The following CADM2 variants were observed in gnomAD, a reference collection of about 807,000 sequenced individuals.
CADM2 encodes the protein cell adhesion molecule 2, also known as immunoglobulin superfamily member 4D.
CADM2 carries 12 observed loss-of-function variants against 49.8 expected under a neutral mutation model. The ratio of observed to expected loss-of-function variants is 0.24; its 90% confidence interval spans 0.15 to 0.39. CADM2 has a LOEUF of 0.39. CADM2 is among the 10% of genes least tolerant of loss of function. The probability of loss-of-function intolerance (pLI) is 1.00; values close to 1 mark genes in which losing one functional copy is unlikely to be tolerated. For missense variants in CADM2, 378 were observed against 492.3 expected (o/e 0.77, Z 2.20); for synonymous variants, 214 against 175.4 (o/e 1.22, Z -1.74).
intron 1 of CADM2, among the ~76,000 whole-genome samples, chr3:85,208,227 C>T (rs779601414): frequency 2.6e-5 from 4 of 152,120 alleles, no homozygotes; most frequent in Non-Finnish European, 5.9e-5. Flanking sequence ...GCAGACCTCA[C>T]AAAACCCAAA....
rs758299427 is a variant in CADM2, at chr3:86,073,238, T to C, written c.*6455T>C. Reference sequence around the variant, plus strand: ...AGAAACGCAGGTGTTCCCAGTAATGTAGCTTCAAAAATAAAATGTGCTATT... The same window carrying C: ...AGAAACGCAGGTGTTCCCAGTAATGCAGCTTCAAAAATAAAATGTGCTATT... On this transcript the variant is annotated 3_prime_UTR_variant, in exon 10 of 10. Coordinates refer to ENST00000383699, the MANE Select transcript of CADM2 (RefSeq NM_001167675.2). The C allele has an allele frequency of 6.6e-6, 1 of 152,034 alleles. No homozygotes were observed. The highest frequency in any genetic ancestry group is 1.5e-5 in the Non-Finnish European group (1 of 67,932). The allele number at this position is 152,034 out of a possible 1,614,324, so 9.4% of individuals were successfully genotyped here.
intron 1 of CADM2, among the ~76,000 whole-genome samples, chr3:85,226,428 C>G (rs765349973): frequency 6.6e-6 from 1 of 152,060 alleles, no homozygotes; most frequent in Non-Finnish European, 1.5e-5. Flanking sequence ...TTATGGTATT[C>G]TCTGATGGTA....
chr3:85,411,103 T>C (rs2035635767), intron 1 of CADM2, among the ~76,000 whole-genome samples: 1 of 152,230 alleles, frequency 6.6e-6, no homozygotes, highest in Non-Finnish European at 1.5e-5. Context: ...TGTGTTACTG[T>C]AGGTTATATA....
chr3:85,482,315 A>AT, intron 1 of CADM2, among the ~76,000 whole-genome samples: 1 of 151,874 alleles, frequency 6.6e-6, no homozygotes, highest in South Asian at 2.1e-4. Context: ...GTTTGGGTTT[A>AT]TTTTGGTGAC....
rs180853499 is a variant in CADM2, at chr3:85,961,337, T to C, written c.792-132T>C. 9.4e-4 allele frequency: 624 copies of C among 664,864 alleles called. 1 individual carries two copies. The highest frequency in any genetic ancestry group is 8.7e-4 in the Non-Finnish European group (362 of 414,278). 41.2% of individuals were successfully genotyped at this position (664,864 alleles called of 1,614,324 possible). ...TTGAGTGAGTGTGTGATGGTCCTTTTGGTATCTTATAGAAGTTAGCATATG... is the reference window on the plus strand; with the variant it reads ...TTGAGTGAGTGTGTGATGGTCCTTTCGGTATCTTATAGAAGTTAGCATATG... On this transcript the variant is annotated intron_variant, in intron 7 of 9. Coordinates refer to ENST00000383699, the MANE Select transcript of CADM2 (RefSeq NM_001167675.2).
chr3:85,772,887 T>A (rs1480720863), intron 2 of CADM2, among the ~76,000 whole-genome samples: 6 of 151,700 alleles, frequency 4.0e-5, no homozygotes, highest in Non-Finnish European at 5.9e-5. Context: ...TTTCCAGTTT[T>A]TTTTTTTTTC....
At chr3:85,732,531 T>G (rs1344122471) in intron 2 of CADM2, among the ~76,000 whole-genome samples, 1 of 152,160 alleles carries the variant, frequency 6.6e-6, no homozygotes, top group Admixed American at 6.6e-5. Context: ...ATCTACCTTC[T>G]AGTTCACCTC....
At chr3:85,100,624 T>C (rs1022243012) in intron 1 of CADM2, among the ~76,000 whole-genome samples, 12 of 152,106 alleles carry the variant, frequency 7.9e-5, no homozygotes, top group African/African-American at 2.4e-4. Flanking sequence ...TGGCAGAGAG[T>C]CAAAACAAAT....
intron 1 of CADM2, among the ~76,000 whole-genome samples, chr3:85,023,841 T>C (rs1250165530): frequency 6.6e-6 from 1 of 152,112 alleles, no homozygotes; most frequent in Non-Finnish European, 1.5e-5. Context: ...CTCTCCATTT[T>C]GTCATGTCTA....
chr3:85,191,493 A>G (rs550790010), intron 1 of CADM2, among the ~76,000 whole-genome samples: 2 of 152,176 alleles, frequency 1.3e-5, no homozygotes, highest in South Asian at 2.1e-4. Context: ...CCACTTTTAG[A>G]TGAAAAAAAT....
At chr3:85,406,363 A>T (rs2035377269) in intron 1 of CADM2, among the ~76,000 whole-genome samples, 1 of 152,268 alleles carries the variant, frequency 6.6e-6, no homozygotes, top group South Asian at 2.1e-4. Flanking sequence ...TTTTGAAAAA[A>T]ATTCTATAAA....
chr3:85,906,151 T>C (rs1435980262), intron 5 of CADM2, among the ~76,000 whole-genome samples: 1 of 152,180 alleles, frequency 6.6e-6, no homozygotes, highest in Non-Finnish European at 1.5e-5. Context: ...TTCTGCCATA[T>C]GTTATTATAT....
chr3:85,661,763 AAATAAAATGGAG>A (rs2065414051), intron 1 of CADM2, among the ~76,000 whole-genome samples: 1 of 152,040 alleles, frequency 6.6e-6, no homozygotes, highest in African/African-American at 2.4e-5. Flanking sequence ...CAGCTTTACA[AAATAAAATGGAG>A]AATAAAATGG....
At chr3:85,774,231 T>C (rs1303618709) in intron 2 of CADM2, among the ~76,000 whole-genome samples, 4 of 151,974 alleles carry the variant, frequency 2.6e-5, no homozygotes, top group Admixed American at 2.6e-4. Flanking sequence ...CTGGTTTAGA[T>C]GGACAGGAGA....
chr3:85,735,816 G>A, intron 2 of CADM2, among the ~76,000 whole-genome samples: 1 of 152,068 alleles, frequency 6.6e-6, no homozygotes, highest in East Asian at 1.9e-4. Flanking sequence ...GAAAAGACAG[G>A]ACTAACACAA....
intron 8 of CADM2, among the ~76,000 whole-genome samples, chr3:86,064,036 C>CT (rs923006047): frequency 1.5e-4 from 22 of 149,994 alleles, no homozygotes; most frequent in African/African-American, 2.7e-4. Flanking sequence ...CTTTTCACTT[C>CT]TTTTTTTTTA....
intron 1 of CADM2, among the ~76,000 whole-genome samples, chr3:84,987,429 T>C (rs1430935933): frequency 2.0e-5 from 3 of 152,170 alleles, no homozygotes; most frequent in Non-Finnish European, 4.4e-5. Context: ...TCAGCTCCAA[T>C]TCTCTTCCAA....
chr3:85,901,916 T>A (rs1317141280), intron 5 of CADM2, among the ~76,000 whole-genome samples: 1 of 152,210 alleles, frequency 6.6e-6, no homozygotes, highest in Non-Finnish European at 1.5e-5. Flanking sequence ...TGTGATTAGC[T>A]TAGCATAAGC....
intron 1 of CADM2, among the ~76,000 whole-genome samples, chr3:85,347,626 T>TAC (rs1401073967): frequency 2.0e-4 from 10 of 49,654 alleles, no homozygotes; most frequent in South Asian, 5.8e-4. Flanking sequence ...TATACATATA[T>TAC]ATAAATATAT....
Sources: allele counts gnomAD v4.1 joint callset (sites outside exome capture counted in the v4.1 genomes callset), GRCh38; gene constraint gnomAD v4.1.1; transcripts MANE v1.5; gene names NCBI Gene and HGNC (gene_info 2026-07-23, HGNC 2026-07-21).